The following WWOX variants were observed in gnomAD, a reference collection of about 807,000 sequenced individuals.
The protein encoded by WWOX is WW domain-containing oxidoreductase.
Under a neutral mutation model 46.2 loss-of-function variants are expected in WWOX, and 69 were observed. The observed-to-expected ratio is 1.49, with a 90% confidence interval of 1.23 to 1.82. The LOEUF is 1.82. Among genes scored for constraint, WWOX ranks in the 40% most tolerant of loss-of-function variants. The pLI, the probability that WWOX is intolerant of heterozygous loss-of-function variation, is 0.00. For missense variants in WWOX, 919 were observed against 542.6 expected (o/e 1.69, Z -6.89); for synonymous variants, 359 against 202.6 (o/e 1.77, Z -6.56).
intron 8 of WWOX, among the ~76,000 whole-genome samples, chr16:78,546,033 C>T (rs1263440492): frequency 1.3e-5 from 2 of 152,156 alleles, no homozygotes; most frequent in Non-Finnish European, 2.9e-5. Flanking sequence ...TAGTCTGTAA[C>T]ATGCTCTATG....
intron 8 of WWOX, among the ~76,000 whole-genome samples, chr16:79,061,244 A>T (rs1173156815): frequency 6.6e-6 from 1 of 152,208 alleles, no homozygotes; most frequent in African/African-American, 2.4e-5. Flanking sequence ...CCCTATCTGG[A>T]TTCCAAATTT....
intron 8 of WWOX, among the ~76,000 whole-genome samples, chr16:78,974,217 G>A (rs1223990416): frequency 3.9e-5 from 6 of 152,244 alleles, no homozygotes; most frequent in Non-Finnish European, 8.8e-5. Context: ...ACTCTTCAGA[G>A]AACGGATTCT....
chr16:79,187,998 G>T (rs974832330), intron 8 of WWOX, among the ~76,000 whole-genome samples: 1 of 152,214 alleles, frequency 6.6e-6, no homozygotes, highest in African/African-American at 2.4e-5. Context: ...CATGCACGGG[G>T]AGTCAAGCTG....
At chr16:78,473,991 C>T (rs2084296793) in intron 8 of WWOX, among the ~76,000 whole-genome samples, 1 of 152,158 alleles carries the variant, frequency 6.6e-6, no homozygotes. Flanking sequence ...TGAAATATGT[C>T]ATAAAGTTAC....
rs73582855 is a variant in WWOX at position 78,620,535 on chromosome 16, G to T, written c.1056+187783G>T. 2.0e-4 allele frequency among the ~76,000 whole-genome samples: 31 copies of T among 152,300 alleles called. No individual in the cohort carries two copies. The Middle Eastern group carries it at 0.01, about 50-fold the overall frequency. On this transcript the variant is annotated intron_variant, in intron 8 of 8. Transcript: ENST00000566780. ...CCCTCTCCAGACTAGACACTAGATA[G>T]TGGGTAGGGTGGGACAGTTTTATGT...
At chr16:78,447,062 C>A (rs2083577381) in intron 8 of WWOX, among the ~76,000 whole-genome samples, 1 of 152,148 alleles carries the variant, frequency 6.6e-6, no homozygotes. Context: ...GTACTCTGTC[C>A]TGTCCAGTGC....
chr16:78,105,751 C>A (rs73562762), intron 1 of WWOX, among the ~76,000 whole-genome samples: 1 of 152,058 alleles, frequency 6.6e-6, no homozygotes, highest in Non-Finnish European at 1.5e-5. Flanking sequence ...TCTATGCCAG[C>A]CTGCCTGCCA....
intron 8 of WWOX, among the ~76,000 whole-genome samples, chr16:78,560,048 G>A (rs1347856677): frequency 6.6e-6 from 1 of 152,134 alleles, no homozygotes; most frequent in Non-Finnish European, 1.5e-5. Context: ...CTTTTTTAGT[G>A]TACTTTTGGT....
intron 6 of WWOX, among the ~76,000 whole-genome samples, chr16:78,409,695 T>C (rs191818231): frequency 1.8e-4 from 27 of 152,312 alleles, no homozygotes; most frequent in African/African-American, 5.1e-4. Context: ...ATGGTTCTCA[T>C]TGGGCTAAAA....
At chr16:79,048,969 T>C (rs1185603300) in intron 8 of WWOX, among the ~76,000 whole-genome samples, 1 of 152,200 alleles carries the variant, frequency 6.6e-6, no homozygotes, top group African/African-American at 2.4e-5. Flanking sequence ...GGAGTCATGA[T>C]TCCTCTATTC....
intron 8 of WWOX, among the ~76,000 whole-genome samples, chr16:78,649,992 A>G (rs1339984288): frequency 6.6e-6 from 1 of 152,090 alleles, no homozygotes; most frequent in African/African-American, 2.4e-5. Flanking sequence ...GTTCCATTGT[A>G]TATTTTTTTC....
chr16:79,184,091 A>G (rs930162486), intron 8 of WWOX, among the ~76,000 whole-genome samples: 2 of 152,196 alleles, frequency 1.3e-5, no homozygotes, highest in African/African-American at 4.8e-5. Flanking sequence ...AAAATGGGGA[A>G]AAGTGGCAGC....
intron 8 of WWOX, among the ~76,000 whole-genome samples, chr16:78,767,811 T>G (rs1455799401): frequency 6.6e-6 from 1 of 152,188 alleles, no homozygotes; most frequent in Non-Finnish European, 1.5e-5. Flanking sequence ...CTAATGATGT[T>G]AAGCGTACTT....
chr16:78,866,494 G>T (rs2044006705), intron 8 of WWOX, among the ~76,000 whole-genome samples: 1 of 151,966 alleles, frequency 6.6e-6, no homozygotes, highest in Non-Finnish European at 1.5e-5. Context: ...CTGTCCTTCA[G>T]GTTAGTAAAA....
Position 78,760,792 on chromosome 16 carries a change from GATAAAGAC to G in WWOX, c.1056+328044_1056+328051del, listed in dbSNP as rs2049773179. ...TGCATTAGTCTGTTTTCACTCTGCT[GATAAAGAC>G]ATACCCAAGACTGTGCAATTTACAA... On this transcript the variant is annotated intron_variant, in intron 8 of 8. Transcript: ENST00000566780. Among the ~76,000 whole-genome samples the G allele has an allele frequency of 2.6e-5, 4 of 152,140 alleles. No homozygotes were observed. In the South Asian group the frequency reaches 8.3e-4, roughly 31 times the overall value.
intron 8 of WWOX, among the ~76,000 whole-genome samples, chr16:78,976,059 C>T (rs777769591): frequency 1.6e-4 from 25 of 152,184 alleles, no homozygotes; most frequent in Non-Finnish European, 2.5e-4. Context: ...CTCTGGGCTC[C>T]AGCAACATTA....
chr16:78,671,503 A>T lies in WWOX; in HGVS notation c.1056+238751A>T, dbSNP rs138553355. On this transcript the variant is annotated intron_variant, in intron 8 of 8. Coordinates refer to ENST00000566780, the MANE Select transcript of WWOX (RefSeq NM_016373.4). ...CTGTGGCCCTAGGAAACCAGTATAG[A>T]TAACTTGTGATGGTTTAGCTTATTT... is the stretch of plus-strand genomic sequence containing the variant. Among the ~76,000 whole-genome samples, 939 of 152,320 alleles carry T rather than the reference A, an allele frequency of 6.2e-3. 6 individuals carry two copies. Among genetic ancestry groups the T allele is most frequent in the South Asian group, 0.038 (185 of 4,818 alleles).
rs145231063 is a variant in WWOX at position 79,110,019 on chromosome 16, C to G, written c.1057-101589C>G. Among the ~76,000 whole-genome samples the G allele has an allele frequency of 4.1e-3, 618 of 152,282 alleles. 3 individuals are homozygous for G. The highest frequency in any genetic ancestry group is 0.014 in the African/African-American group (570 of 41,544). ...TTATGTCGCAAGGGCTTTGGGAAAT[C>G]TCAATTTATTGCTAGCCTGGTAGAT... On this transcript the variant is annotated intron_variant, in intron 8 of 8. Transcript: ENST00000566780.
intron 8 of WWOX, among the ~76,000 whole-genome samples, chr16:78,623,978 G>C (rs1245480049): frequency 6.6e-6 from 1 of 152,096 alleles, no homozygotes. Flanking sequence ...GAGGAGAAAT[G>C]AGGGGACTTC....
Sources: gnomAD v4.1 joint callset for allele counts (sites outside exome capture counted in the v4.1 genomes callset) on GRCh38, gnomAD v4.1.1 for gene constraint, MANE v1.5 for transcripts, NCBI Gene and HGNC (gene_info 2026-07-23, HGNC 2026-07-21) for gene names.